The following TOGARAM2 variants were observed in gnomAD, a reference collection of about 807,000 sequenced individuals.
TOGARAM2 encodes the protein TOG array regulator of axonemal microtubules 2.
A neutral mutation model predicts 93.3 loss-of-function variants in TOGARAM2; 85 were observed. That is an observed-to-expected ratio of 0.91 (90% CI 0.76 to 1.09). The LOEUF (loss-of-function observed/expected upper bound fraction) is 1.09, where lower values mean the gene tolerates loss of function less well. Ranked by LOEUF, TOGARAM2 falls within the 50% of genes least tolerant of loss-of-function variation. TOGARAM2 has a pLI of 0.00. For missense variants in TOGARAM2, 1,277 were observed against 1,334.5 expected, an observed-to-expected ratio of 0.96 and a Z score of 0.67; for synonymous variants, 593 against 552.8, an observed-to-expected ratio of 1.07 and a Z score of -1.02.
intron 1 of TOGARAM2, among the ~76,000 whole-genome samples, chr2:28,973,453 T>TCCCTTCC (rs1553333637): frequency 3.2e-5 from 3 of 93,936 alleles, no homozygotes; most frequent in Admixed American, 1.2e-4. Context: ...CTTCCTTCCT[T>TCCCTTCC]CCTTCCTTCC....
intron 1 of TOGARAM2, among the ~76,000 whole-genome samples, chr2:28,965,324 T>C (rs1671853005): frequency 6.6e-6 from 1 of 152,240 alleles, no homozygotes; most frequent in Non-Finnish European, 1.5e-5. Flanking sequence ...TCGTCTCATC[T>C]GTTTTTATTG....
intron 5 of TOGARAM2, 49 bp downstream of exon 5, chr2:29,002,796 C>G (rs902372978): frequency 6.5e-7 from 1 of 1,539,568 alleles, no homozygotes; most frequent in African/African-American, 1.4e-5. Context: ...TCTTGCCCTC[C>G]CTTCCTCCTG....
At chr2:28,979,677 C>T (rs2148231103), upstream of TOGARAM2, among the ~76,000 whole-genome samples, 1 of 152,338 alleles carries the variant, frequency 6.6e-6, no homozygotes. Context: ...CTCGGCCATC[C>T]AGTGGAGGCA....
intron 11 of TOGARAM2, among the ~76,000 whole-genome samples, chr2:29,022,699 T>C (rs1665037657): frequency 6.6e-6 from 1 of 152,196 alleles, no homozygotes; most frequent in South Asian, 2.1e-4. Flanking sequence ...TGCAGGACCG[T>C]AGTCATGAGC....
At chr2:28,993,972 G>C (rs1672865372) in intron 1 of TOGARAM2, among the ~76,000 whole-genome samples, 1 of 152,240 alleles carries the variant, frequency 6.6e-6, no homozygotes, top group African/African-American at 2.4e-5. Flanking sequence ...TCTTACCACA[G>C]ATCAGCTCTG....
At chr2:29,010,460 C>A (rs1430782702) in intron 6 of TOGARAM2, among the ~76,000 whole-genome samples, 1 of 152,140 alleles carries the variant, frequency 6.6e-6, no homozygotes, top group Non-Finnish European at 1.5e-5. Flanking sequence ...CTCCGCTCCT[C>A]CTGTGGACTC....
At chr2:29,037,155 T>G (rs1666162536) in intron 18 of TOGARAM2, among the ~76,000 whole-genome samples, 2 of 151,748 alleles carry the variant, frequency 1.3e-5, no homozygotes, top group African/African-American at 4.8e-5. Flanking sequence ...GGAAAAAGGA[T>G]AGAAGAAAAA....
chr2:29,012,047 C>A (rs559372949), intron 7 of TOGARAM2, among the ~76,000 whole-genome samples: 1 of 152,304 alleles, frequency 6.6e-6, no homozygotes, highest in Admixed American at 6.5e-5. Context: ...GGATATAGGG[C>A]CAGCACAGGA....
chr2:29,047,713 A>G (rs1666826107), intron 19 of TOGARAM2: 1 of 152,290 alleles, frequency 6.6e-6, no homozygotes, highest in African/African-American at 2.4e-5. Flanking sequence ...TCTATTAGCC[A>G]AGACGTGATC....
chr2:29,002,824 C>T lies in TOGARAM2; in HGVS notation c.639+77C>T. On this transcript the variant is annotated intron_variant, in intron 5 of 19. Coordinates refer to ENST00000379558, the MANE Select transcript of TOGARAM2 (RefSeq NM_199280.4). ...TCCTCCTGCCTTTCTTTCTAGCCTCCACCAACCCCTGACTCCATGCCCTGA... is the reference window on the plus strand; with the variant it reads ...TCCTCCTGCCTTTCTTTCTAGCCTCTACCAACCCCTGACTCCATGCCCTGA... 4 of 1,371,500 alleles carry T rather than the reference C, an allele frequency of 2.9e-6. No homozygotes were observed. The South Asian group carries it at 5.3e-5, about 18-fold the overall frequency. The allele number at this position is 1,371,500 out of a possible 1,614,324, so 85.0% of individuals were successfully genotyped here.
intron 15 of TOGARAM2, 146 bp downstream of exon 15, chr2:29,033,197 A>T (rs1320668543): frequency 9.6e-6 from 7 of 728,628 alleles, no homozygotes; most frequent in Non-Finnish European, 1.6e-5. Flanking sequence ...GGTGAGATAG[A>T]TGTGATTTCT....
chr2:29,029,958 A>C (rs1044065186), intron 14 of TOGARAM2, among the ~76,000 whole-genome samples: 1 of 152,140 alleles, frequency 6.6e-6, no homozygotes, highest in African/African-American at 2.4e-5. Flanking sequence ...GAAATAAAAA[A>C]TTAAAACAAA....
chr2:28,992,099 G>A (rs1447683448), intron 1 of TOGARAM2, among the ~76,000 whole-genome samples: 2 of 152,138 alleles, frequency 1.3e-5, no homozygotes, highest in Admixed American at 6.5e-5. Flanking sequence ...ATGGGGCCTC[G>A]GTGAATTGTG....
intron 6 of TOGARAM2, among the ~76,000 whole-genome samples, 174 bp downstream of exon 6, chr2:29,003,856 T>C (rs1386062192): frequency 6.6e-6 from 1 of 152,202 alleles, no homozygotes; most frequent in African/African-American, 2.4e-5. Flanking sequence ...GGTCCCAGCA[T>C]GGTTGCCGGG....
chr2:29,020,691 C>T (rs1157497869), intron 10 of TOGARAM2, among the ~76,000 whole-genome samples: 7 of 152,164 alleles, frequency 4.6e-5, no homozygotes, highest in Non-Finnish European at 1.0e-4. Flanking sequence ...GGGCAGGTGG[C>T]TGTATTGCTC....
At chr2:29,011,598 A>C (rs1042034713) in intron 7 of TOGARAM2, 97 bp downstream of exon 7, 23 of 1,222,458 alleles carry the variant, frequency 1.9e-5, no homozygotes, top group Non-Finnish European at 2.1e-5. Flanking sequence ...GAGATCTGAG[A>C]GCTCTTGTGT....
At chr2:29,005,012 A>ACG (rs1558421304) in intron 6 of TOGARAM2, among the ~76,000 whole-genome samples, 1 of 89,612 alleles carries the variant, frequency 1.1e-5, no homozygotes. Context: ...GTGCATGTGT[A>ACG]TGTGTGAGTG....
intron 16 of TOGARAM2, among the ~76,000 whole-genome samples, chr2:29,034,042 C>G (rs7577189): frequency 0.018 from 2,722 of 152,196 alleles, 74 homozygotes; most frequent in African/African-American, 0.056. Flanking sequence ...GATGGTCACG[C>G]CTGTGCTTAA....
intron 8 of TOGARAM2, among the ~76,000 whole-genome samples, chr2:29,016,288 G>A (rs1338957547): frequency 3.3e-5 from 5 of 151,840 alleles, no homozygotes; most frequent in Non-Finnish European, 7.4e-5. Flanking sequence ...CCCCATCGCC[G>A]TCCAAGCCCC....
Sources: allele counts gnomAD v4.1 joint callset (sites outside exome capture counted in the v4.1 genomes callset), GRCh38; gene constraint gnomAD v4.1.1; transcripts MANE v1.5; gene names NCBI Gene and HGNC (gene_info 2026-07-23, HGNC 2026-07-21).